The following GRB10 variants were observed in gnomAD, a reference collection of about 807,000 sequenced individuals.
GRB10 encodes the protein growth factor receptor bound protein 10.
Under a neutral mutation model 80.9 loss-of-function variants are expected in GRB10, and 20 were observed. The ratio of observed to expected loss-of-function variants is 0.25; its 90% CI spans 0.17 to 0.36. The LOEUF is 0.36. Ranked by LOEUF, GRB10 falls within the 10% of genes least tolerant of loss-of-function variation. The probability of loss-of-function intolerance (pLI) is 1.00; values close to 1 mark genes in which losing one functional copy is unlikely to be tolerated. For missense variants in GRB10, 548 were observed against 747.7 expected, an observed-to-expected ratio of 0.73 and a Z score of 3.12; for synonymous variants, 291 against 291.5, an observed-to-expected ratio of 1.00 and a Z score of 0.02.
intron 6 of GRB10, 88 bp from the exon 7 acceptor site, chr7:50,669,951 G>A: frequency 1.3e-6 from 2 of 1,486,982 alleles, no homozygotes; most frequent in Non-Finnish European, 1.8e-6. Flanking sequence ...CAGAAAGCAG[G>A]ACACAGGGCT....
intron 4 of GRB10, among the ~76,000 whole-genome samples, chr7:50,722,735 C>A (rs918547654): frequency 3.3e-5 from 5 of 152,102 alleles, no homozygotes; most frequent in Admixed American, 6.5e-5. Flanking sequence ...CGCCCCCTCT[C>A]CTTCCCCGAC....
rs753876365 is a variant in GRB10 at position 50,703,910 on chromosome 7, TA to T, written c.52-3del. The T allele has an allele frequency of 5.0e-6, 8 of 1,611,002 alleles. No individual in the cohort carries two copies. The highest frequency in any genetic ancestry group is 1.1e-5 in the South Asian group (1 of 90,970). On this transcript the variant is annotated splice_polypyrimidine_tract_variant and splice_region_variant and intron_variant, in intron 4 of 18. Transcript: ENST00000401949. ...GCGAGGTGTCTGCTCCACCTTGTCC[TA>T]AAAAAACAGGACCGCAGCAGAAAGG...
intron 9 of GRB10, 55 bp downstream of exon 9, chr7:50,619,115 T>A (rs913756515): frequency 9.6e-7 from 1 of 1,039,166 alleles, no homozygotes; most frequent in African/African-American, 1.6e-5. Flanking sequence ...AACCCAAGTA[T>A]AAACTTCAAG....
chr7:50,623,337 G>A (rs2052233779), intron 8 of GRB10, among the ~76,000 whole-genome samples: 1 of 152,210 alleles, frequency 6.6e-6, no homozygotes, highest in African/African-American at 2.4e-5. Context: ...CATTCACTAG[G>A]GCTTCACCTA....
At chr7:50,656,119 A>AG (rs2058616514) in intron 7 of GRB10, among the ~76,000 whole-genome samples, 1 of 152,324 alleles carries the variant, frequency 6.6e-6, no homozygotes, top group East Asian at 1.9e-4. Flanking sequence ...GGCACAAGAG[A>AG]GGAACAGAGG....
At chr7:50,593,126 G>A (rs369570284) in intron 18 of GRB10, 28 bp from the exon 19 acceptor site, 16 of 1,613,736 alleles carry the variant, frequency 9.9e-6, no homozygotes, top group East Asian at 2.2e-5. Flanking sequence ...CACTTGCCAG[G>A]TTAGAGGCTG....
intron 3 of GRB10, among the ~76,000 whole-genome samples, chr7:50,747,052 C>T (rs1203258123): frequency 6.6e-6 from 1 of 152,220 alleles, no homozygotes; most frequent in East Asian, 1.9e-4. Flanking sequence ...AAACCCGCTG[C>T]CTCCTACCCC....
chr7:50,635,920 C>T (rs1227427843), intron 7 of GRB10, among the ~76,000 whole-genome samples: 2 of 145,194 alleles, frequency 1.4e-5, no homozygotes, highest in Non-Finnish European at 3.0e-5. Context: ...AAAAAAAGCC[C>T]AGGACCAGAT....
At chr7:50,603,946 A>G in intron 17 of GRB10, 52 bp downstream of exon 17, 1 of 1,335,312 alleles carries the variant, frequency 7.5e-7, no homozygotes, top group Non-Finnish European at 1.1e-6. Context: ...ACAGATCCCC[A>G]GCACAATAAA....
intron 3 of GRB10, among the ~76,000 whole-genome samples, chr7:50,739,609 G>C (rs1346066108): frequency 6.6e-6 from 1 of 152,184 alleles, no homozygotes; most frequent in Non-Finnish European, 1.5e-5. Context: ...CTGTTCTACT[G>C]TATTTATTAA....
chr7:50,630,743 C>T (rs2053844467), intron 7 of GRB10, among the ~76,000 whole-genome samples: 1 of 152,150 alleles, frequency 6.6e-6, no homozygotes. Context: ...TTAAAGAGGG[C>T]ATAATTATGT....
At chr7:50,783,615 G>A (rs2078540868), upstream of GRB10, among the ~76,000 whole-genome samples, 1 of 151,940 alleles carries the variant, frequency 6.6e-6, no homozygotes, top group African/African-American at 2.4e-5. Context: ...AAAACAGAAC[G>A]TTTGGAGATA....
intron 4 of GRB10, among the ~76,000 whole-genome samples, chr7:50,732,063 G>T (rs949294889): frequency 2.6e-5 from 4 of 152,202 alleles, no homozygotes; most frequent in African/African-American, 9.7e-5. Context: ...ATATGACCAC[G>T]CTATCTTACA....
intron 7 of GRB10, among the ~76,000 whole-genome samples, chr7:50,650,585 G>A (rs1039898736): frequency 2.6e-5 from 4 of 152,162 alleles, no homozygotes; most frequent in African/African-American, 4.8e-5. Context: ...AGATAAAGGG[G>A]GCAGCTGCAA....
At chr7:50,634,662 A>C (rs1457060767) in intron 7 of GRB10, among the ~76,000 whole-genome samples, 2 of 152,244 alleles carry the variant, frequency 1.3e-5, no homozygotes, top group African/African-American at 4.8e-5. Context: ...ACGGCTAAAG[A>C]CACCTACAGA....
chr7:50,759,192 C>CAAAAA (rs57526722), intron 2 of GRB10, among the ~76,000 whole-genome samples: 2 of 113,628 alleles, frequency 1.8e-5, no homozygotes, highest in Non-Finnish European at 3.4e-5. Context: ...GACTCTGCCT[C>CAAAAA]AAAAAAAAAA....
chr7:50,631,420 G>A (rs924265324), intron 7 of GRB10, among the ~76,000 whole-genome samples: 4 of 152,098 alleles, frequency 2.6e-5, no homozygotes, highest in East Asian at 1.9e-4. Context: ...CACAGAAACC[G>A]AGACATCTGA....
intron 5 of GRB10, among the ~76,000 whole-genome samples, chr7:50,676,335 C>CGGGGGGGGGGGGGGGGG (rs3040026): frequency 2.1e-5 from 2 of 93,228 alleles, no homozygotes; most frequent in Non-Finnish European, 2.3e-5. Flanking sequence ...TCCACCCCAC[C>CGGGGGGGGGGGGGGGGG]GGGGGGGGGG....
intron 2 of GRB10, among the ~76,000 whole-genome samples, chr7:50,760,984 T>C (rs2153705205): frequency 6.6e-6 from 1 of 152,338 alleles, no homozygotes; most frequent in South Asian, 2.1e-4. Context: ...GGAGGGCTTT[T>C]TGAAGATCAA....
Sources: gnomAD v4.1 joint callset for allele counts (sites outside exome capture counted in the v4.1 genomes callset) on GRCh38, gnomAD v4.1.1 for gene constraint, MANE v1.5 for transcripts, NCBI Gene and HGNC (gene_info 2026-07-23, HGNC 2026-07-21) for gene names.